HM13: variants seen among roughly 807,000 people sequenced by gnomAD.
HM13 encodes the protein histocompatibility minor 13, also known as signal peptide peptidase.
A neutral mutation model predicts 50.0 loss-of-function variants in HM13; 18 were observed. That is an observed-to-expected ratio of 0.36 (90% CI 0.25 to 0.53). HM13 has a LOEUF of 0.53. HM13 is among the 20% of genes least tolerant of loss of function. The probability of loss-of-function intolerance (pLI) is 0.90; values close to 1 mark genes in which losing one functional copy is unlikely to be tolerated. For missense variants in HM13, 393 were observed against 552.4 expected (o/e 0.71, Z 2.89); for synonymous variants, 197 against 232.6 (o/e 0.85, Z 1.39).
chr20:31,549,797 T>C (rs1474547740), intron 6 of HM13, among the ~76,000 whole-genome samples: 1 of 152,190 alleles, frequency 6.6e-6, no homozygotes, highest in Non-Finnish European at 1.5e-5. Context: ...TGGGGGACTT[T>C]ATCACTTGGG....
intron 8 of HM13, among the ~76,000 whole-genome samples, chr20:31,558,097 G>A (rs1984415109): frequency 1.3e-5 from 2 of 152,252 alleles, no homozygotes; most frequent in African/African-American, 4.8e-5. Flanking sequence ...TGTGCGTATA[G>A]CACAGGGACA....
At chr20:31,542,549 A>C (rs1240995919) in intron 3 of HM13, among the ~76,000 whole-genome samples, 1 of 152,230 alleles carries the variant, frequency 6.6e-6, no homozygotes, top group East Asian at 1.9e-4. Flanking sequence ...AGAGTCATTC[A>C]GCAAGCATTT....
rs763305759 is a variant in HM13, at chr20:31,545,016, T to C, written c.435T>C (p.Gly145=). The part of the protein sequence containing the change: ...NRQYQLLFTQ[G]SGENKEEIIN... ...AGTACCAGCTGCTCTTCACACAGGG[T>C]TCTGGGGAAAACAAGGAAGGTCAGT... is the stretch of plus-strand genomic sequence containing the variant. The change falls in exon 4 of 13, where the codon GGT becomes GGC. Residue 145 remains glycine (G), a synonymous_variant. Coordinates refer to ENST00000398174, the MANE Select transcript of HM13 (RefSeq NM_178581.3). 1 of 1,614,184 alleles carries C rather than the reference T, an allele frequency of 6.2e-7. No individual in the cohort carries two copies. The highest frequency in any genetic ancestry group is 1.1e-5 in the South Asian group (1 of 91,084).
intron 2 of HM13, among the ~76,000 whole-genome samples, chr20:31,532,780 C>G (rs1366921216): frequency 6.6e-6 from 1 of 152,222 alleles, no homozygotes; most frequent in African/African-American, 2.4e-5. Flanking sequence ...GCCATTGCTT[C>G]TGCCTTTGCT....
At chr20:31,549,920 C>A in intron 6 of HM13, 144 bp from the exon 7 acceptor site, 1 of 703,748 alleles carries the variant, frequency 1.4e-6, no homozygotes, top group Non-Finnish European at 2.6e-6. Context: ...GTGGCCACCT[C>A]ACCTCAGCTT....
chr20:31,521,068 T>C (rs1982129105), intron 1 of HM13, among the ~76,000 whole-genome samples: 1 of 152,250 alleles, frequency 6.6e-6, no homozygotes, highest in African/African-American at 2.4e-5. Flanking sequence ...GTGTTTTATG[T>C]TGCAGGATCT....
chr20:31,525,810 A>G (rs1166157004), intron 1 of HM13, among the ~76,000 whole-genome samples: 2 of 152,270 alleles, frequency 1.3e-5, no homozygotes, highest in Admixed American at 1.3e-4. Flanking sequence ...TACCAGTACT[A>G]TATATCATTG....
chr20:31,530,111 G>C (rs976083865), intron 2 of HM13, among the ~76,000 whole-genome samples: 1 of 152,086 alleles, frequency 6.6e-6, no homozygotes, highest in Non-Finnish European at 1.5e-5. Flanking sequence ...GCAACATAGT[G>C]AGACCCCATC....
chr20:31,530,888 C>T (rs1466416991), intron 2 of HM13, among the ~76,000 whole-genome samples: 1 of 152,124 alleles, frequency 6.6e-6, no homozygotes, highest in Non-Finnish European at 1.5e-5. Flanking sequence ...AAATGCATCT[C>T]CATTTGTAAT....
chr20:31,538,399 C>A, intron 3 of HM13, 138 bp downstream of exon 3: 1 of 1,537,708 alleles, frequency 6.5e-7, no homozygotes, highest in South Asian at 1.2e-5. Context: ...ACTCTTTCCC[C>A]TGCACACTGT....
At chr20:31,551,810 A>G (rs1054002175) in intron 7 of HM13, among the ~76,000 whole-genome samples, 2 of 152,186 alleles carry the variant, frequency 1.3e-5, no homozygotes, top group Admixed American at 6.5e-5. Context: ...ACCACTGCGG[A>G]CAGCCTTTCT....
intron 3 of HM13, among the ~76,000 whole-genome samples, chr20:31,542,586 A>G (rs1337504010): frequency 6.6e-6 from 1 of 152,210 alleles, no homozygotes; most frequent in Non-Finnish European, 1.5e-5. Context: ...GGCACCAGGT[A>G]TCTTCACCCC....
chr20:31,527,817 T>A, intron 2 of HM13: 1 of 475,652 alleles, frequency 2.1e-6, no homozygotes, highest in Non-Finnish European at 3.5e-6. Flanking sequence ...TTTTGTGATA[T>A]CAGTTTGGTT....
Position 31,517,090 on chromosome 20 carries a change from C to T in HM13, c.183+2356C>T, listed in dbSNP as rs1185750990. ...GACAGGGCAAATGACTCCCCTTCTA[C>T]CCTGAGTCGTTTCCCTGGTCATGTG... On this transcript the variant is annotated intron_variant, in intron 1 of 12. Transcript: ENST00000398174. Among the ~76,000 whole-genome samples, 3 of 152,230 alleles carry T rather than the reference C, an allele frequency of 2.0e-5. No homozygotes were observed. In the East Asian group the frequency reaches 5.8e-4, roughly 29 times the overall value.
intron 12 of HM13, 68 bp downstream of exon 12, chr20:31,568,292 A>C (rs1600677062): frequency 1.3e-6 from 2 of 1,574,602 alleles, no homozygotes; most frequent in East Asian, 4.5e-5. Flanking sequence ...TAGGGCAGAC[A>C]CTGCAGCTCC....
At chr20:31,553,245 G>A (rs868721572) in intron 7 of HM13, among the ~76,000 whole-genome samples, 78 of 140,872 alleles carry the variant, frequency 5.5e-4, no homozygotes, top group African/African-American at 2.0e-3. Context: ...GCAGTGAGCC[G>A]ATATTGCGCC....
intron 8 of HM13, among the ~76,000 whole-genome samples, chr20:31,558,784 C>T (rs912262169): frequency 2.0e-5 from 3 of 152,196 alleles, no homozygotes; most frequent in Non-Finnish European, 4.4e-5. Context: ...AGTGCAGTGG[C>T]GTGATCTCGG....
chr20:31,565,255 G>C (rs1984841395), intron 10 of HM13, among the ~76,000 whole-genome samples: 1 of 151,870 alleles, frequency 6.6e-6, no homozygotes, highest in African/African-American at 2.4e-5. Flanking sequence ...GAGGCAGGTG[G>C]ATCACCTGAG....
Position 31,549,072 on chromosome 20 carries a change from G to C in HM13, c.498G>C (p.Leu166=). ...TTGACACCAAGGACCTGGTGTGCCT[G>C]GGCCTGAGCAGCATCGTTGGCGTCT... ...YEFDTKDLVC[L]GLSSIVGVWY... is the part of the protein sequence containing the mutation. Residue 166 remains leucine (L), a synonymous_variant, in exon 5 of 13, where the codon CTG becomes CTC. Coordinates refer to ENST00000398174, the MANE Select transcript of HM13 (RefSeq NM_178581.3). The C allele has an allele frequency of 6.2e-7, 1 of 1,614,138 alleles. No individual in the cohort carries two copies. The highest frequency in any genetic ancestry group is 8.5e-7 in the Non-Finnish European group (1 of 1,180,012).
Sources: allele counts gnomAD v4.1 joint callset (sites outside exome capture counted in the v4.1 genomes callset), GRCh38; gene constraint gnomAD v4.1.1; transcripts MANE v1.5; gene names NCBI Gene and HGNC (gene_info 2026-07-23, HGNC 2026-07-21).